Variants in ATP6V1E1 observed in about 807,000 individuals in gnomAD.
The protein encoded by ATP6V1E1 is ATPase H+ transporting V1 subunit E1.
A neutral mutation model predicts 35.2 loss-of-function variants in ATP6V1E1; 21 were observed. The observed-to-expected ratio is 0.60, with a 90% CI of 0.42 to 0.86. The LOEUF is 0.86. ATP6V1E1 is among the 40% of genes least tolerant of loss of function. ATP6V1E1 has a pLI of 0.00. For synonymous variants in ATP6V1E1, 83 were observed against 87.8 expected (o/e 0.95, Z 0.30); for missense variants, 183 against 272.6 (o/e 0.67, Z 2.32).
chr22:17,606,572 T>C (rs1373740830), intron 4 of ATP6V1E1, among the ~76,000 whole-genome samples: 2 of 152,192 alleles, frequency 1.3e-5, no homozygotes, highest in African/African-American at 2.4e-5. Flanking sequence ...AGAAATAATA[T>C]AAAAGCTCAA....
intron 7 of ATP6V1E1, 133 bp from the exon 8 acceptor site, chr22:17,594,749 G>T: frequency 1.5e-6 from 1 of 668,272 alleles, no homozygotes; most frequent in Non-Finnish European, 2.2e-6. Context: ...GGCTTGAAAG[G>T]AACTGAAAAA....
Position 17,628,235 on chromosome 22 carries a change from G to C in ATP6V1E1, c.33+368C>G, listed in dbSNP as rs531866361. Among the ~76,000 whole-genome samples the C allele has an allele frequency of 4.6e-5, 7 of 152,276 alleles. No individual in the cohort carries two copies. The East Asian group carries it at 5.8e-4, about 13-fold the overall frequency. The stretch of plus-strand genomic sequence containing the variant: ...GCCGCCTCGGCCTCCCAAAATACTG[G>C]GATTACAGGCGTGAGCCACTGCCCC... On this transcript the variant is annotated intron_variant, in intron 1 of 8. Transcript: ENST00000253413.
At chr22:17,628,250 G>A (rs913558560) in intron 1 of ATP6V1E1, among the ~76,000 whole-genome samples, 1 of 152,242 alleles carries the variant, frequency 6.6e-6, no homozygotes, top group Non-Finnish European at 1.5e-5. Context: ...ACAGGCGTGA[G>A]CCACTGCCCC....
At chr22:17,615,990 C>T (rs2057842127) in intron 2 of ATP6V1E1, among the ~76,000 whole-genome samples, 1 of 151,620 alleles carries the variant, frequency 6.6e-6, no homozygotes, top group Admixed American at 6.6e-5. Context: ...TGAGATCGTG[C>T]CATTGCACTC....
At chr22:17,594,059 G>A (rs576849411) in intron 8 of ATP6V1E1, among the ~76,000 whole-genome samples, 3 of 152,228 alleles carry the variant, frequency 2.0e-5, no homozygotes, top group African/African-American at 4.8e-5. Flanking sequence ...AAAATTAGCC[G>A]GGTGTGGTGG....
chr22:17,627,195 T>A (rs939152783), intron 1 of ATP6V1E1, among the ~76,000 whole-genome samples: 2 of 151,732 alleles, frequency 1.3e-5, no homozygotes, highest in African/African-American at 4.8e-5. Flanking sequence ...AGTCTCGCTC[T>A]GCCGCCCAGG....
intron 2 of ATP6V1E1, among the ~76,000 whole-genome samples, chr22:17,615,875 A>C (rs920324541): frequency 1.3e-5 from 2 of 152,036 alleles, no homozygotes. Context: ...TACTAAAAAT[A>C]CAAAAAATTA....
intron 4 of ATP6V1E1, among the ~76,000 whole-genome samples, chr22:17,609,345 T>C (rs1175739988): frequency 6.7e-6 from 1 of 149,628 alleles, no homozygotes; most frequent in African/African-American, 2.5e-5. Flanking sequence ...GTATTTTTAG[T>C]AGAGACAGGG....
In ATP6V1E1 at chr22:17,597,989, T is replaced by C. The variant is rs1420095184; in HGVS notation, c.530+205A>G. On this transcript the variant is annotated intron_variant, in intron 7 of 8. Coordinates refer to ENST00000253413, the MANE Select transcript of ATP6V1E1 (RefSeq NM_001696.4). ...ACCGCACCTGGCCAAACTAGACTTT[T>C]AGAGTATATTTAGCCAGCCAACAAG... The C allele has an allele frequency of 5.5e-6, 3 of 545,226 alleles. No individual in the cohort carries two copies. In the East Asian group the frequency reaches 9.3e-5, roughly 17 times the overall value. 33.8% of individuals were successfully genotyped at this position (545,226 alleles called of 1,614,324 possible). A position where few individuals can be genotyped will look rare whatever the true frequency, so the allele number is the denominator to read the frequency against.
intron 2 of ATP6V1E1, chr22:17,618,917 T>C: frequency 2.3e-6 from 1 of 439,498 alleles, no homozygotes; most frequent in Non-Finnish European, 4.5e-6. Context: ...GGAGAATCAC[T>C]TGAACCCGGG....
chr22:17,625,560 C>A (rs544400253), intron 1 of ATP6V1E1, among the ~76,000 whole-genome samples: 79 of 152,048 alleles, frequency 5.2e-4, no homozygotes, highest in Non-Finnish European at 9.7e-4. Flanking sequence ...GGATTACAGG[C>A]GTGAGCCGGC....
In ATP6V1E1 at chr22:17,615,118, T is replaced by C. The variant is rs1224122722; in HGVS notation, c.100-1798A>G. 2.0e-5 allele frequency among the ~76,000 whole-genome samples: 3 copies of C among 150,232 alleles called. No homozygotes were observed. In the Admixed American group the frequency reaches 2.0e-4, roughly 10 times the overall value. ...GAGTTCAAGACCAGCCTGGCCAACA[T>C]AGTGAAACCCCATCTCTACTAAAAA... On this transcript the variant is annotated intron_variant, in intron 2 of 8. Transcript: ENST00000253413.
chr22:17,619,287 G>A (rs1443591536), intron 2 of ATP6V1E1, among the ~76,000 whole-genome samples, 174 bp downstream of exon 2: 8 of 150,784 alleles, frequency 5.3e-5, no homozygotes, highest in Non-Finnish European at 5.9e-5. Flanking sequence ...AGTGAAACTC[G>A]GTCTCCAAAA....
At chr22:17,627,077 C>T (rs968784485) in intron 1 of ATP6V1E1, among the ~76,000 whole-genome samples, 1 of 152,112 alleles carries the variant, frequency 6.6e-6, no homozygotes, top group Non-Finnish European at 1.5e-5. Context: ...GCAACCTCCG[C>T]CTGCCGGGTT....
chr22:17,627,566 C>G (rs1280329508), intron 1 of ATP6V1E1, among the ~76,000 whole-genome samples: 2 of 151,470 alleles, frequency 1.3e-5, no homozygotes, highest in African/African-American at 4.8e-5. Context: ...TGCCTGTAAT[C>G]CCAGCACTTT....
At chr22:17,599,821 A>G (rs1370239933) in intron 6 of ATP6V1E1, among the ~76,000 whole-genome samples, 1 of 151,424 alleles carries the variant, frequency 6.6e-6, no homozygotes, top group East Asian at 1.9e-4. Flanking sequence ...TCTACTCGGG[A>G]GGCTGAGGCA....
At chr22:17,597,689 G>A (rs1479166516) in intron 7 of ATP6V1E1, among the ~76,000 whole-genome samples, 3 of 151,900 alleles carry the variant, frequency 2.0e-5, no homozygotes, top group African/African-American at 4.9e-5. Context: ...TCCAGTGAGT[G>A]GCGTGTTCTT....
At chr22:17,627,527 A>T (rs2057919431) in intron 1 of ATP6V1E1, among the ~76,000 whole-genome samples, 1 of 151,868 alleles carries the variant, frequency 6.6e-6, no homozygotes, top group Non-Finnish European at 1.5e-5. Flanking sequence ...GAAGATTAAC[A>T]GTACATACAG....
chr22:17,595,551 C>T (rs1248481306), intron 7 of ATP6V1E1, among the ~76,000 whole-genome samples: 5 of 152,188 alleles, frequency 3.3e-5, no homozygotes, highest in South Asian at 2.1e-4. Context: ...CACTGCTGGC[C>T]GGGCGTGGTA....
Sources: gnomAD v4.1 joint callset for allele counts (sites outside exome capture counted in the v4.1 genomes callset) on GRCh38, gnomAD v4.1.1 for gene constraint, MANE v1.5 for transcripts, NCBI Gene and HGNC (gene_info 2026-07-23, HGNC 2026-07-21) for gene names.